Variants in COL9A1 observed in about 807,000 individuals in gnomAD.
The protein encoded by COL9A1 is collagen alpha-1(IX) chain.
Under a neutral mutation model 142.6 loss-of-function variants are expected in COL9A1, and 104 were observed. The observed-to-expected ratio is 0.73, with a 90% CI of 0.62 to 0.86. COL9A1 has a LOEUF of 0.86. Ranked by LOEUF, COL9A1 falls within the 40% of genes least tolerant of loss-of-function variation. COL9A1 has a pLI of 0.00. For missense variants in COL9A1, 1,210 were observed against 1,176.6 expected (o/e 1.03, Z -0.42); for synonymous variants, 466 against 396.0 (o/e 1.18, Z -2.10).
chr6:70,256,893 A>G lies in COL9A1; in HGVS notation c.1450-72T>C, dbSNP rs181779161. 2.8e-5 allele frequency: 40 copies of G among 1,419,872 alleles called. No individual in the cohort carries two copies. The Admixed American group carries it at 6.5e-4, about 23-fold the overall frequency. 88.0% of individuals were successfully genotyped at this position (1,419,872 alleles called of 1,614,324 possible). On this transcript the variant is annotated intron_variant, in intron 20 of 37. Transcript: ENST00000357250. ...TGTTAAAGGAAGCATCCATCTTTCT[A>G]AAGAAATTTAATAGCCAGATGAAAA...
chr6:70,230,907 CT>C (rs1583214622), intron 36 of COL9A1, among the ~76,000 whole-genome samples: 1 of 152,298 alleles, frequency 6.6e-6, no homozygotes, highest in East Asian at 1.9e-4. Flanking sequence ...AAGAAGAGTT[CT>C]GTTACTAGCT....
intron 7 of COL9A1, 97 bp from the exon 8 acceptor site, chr6:70,281,561 G>C: frequency 3.2e-6 from 3 of 928,712 alleles, no homozygotes; most frequent in Middle Eastern, 2.6e-4. Context: ...TGGGGTAAAA[G>C]TTACCTTCCA....
At position 70,269,672 on chromosome 6, in the gene COL9A1, T is replaced by G; in HGVS notation, c.1198-7A>C. 6.4e-7 allele frequency: 1 copy of G among 1,568,944 alleles called. No individual in the cohort carries two copies. The highest frequency in any genetic ancestry group is 8.8e-7 in the Non-Finnish European group (1 of 1,138,950). The stretch of plus-strand genomic sequence containing the variant: ...CATGAAAGCCAATTGTTCCCTAAAG[T>G]AAACAAAATATTAAGGTTCAGAATA... On this transcript the variant is annotated splice_polypyrimidine_tract_variant and splice_region_variant and intron_variant, in intron 15 of 37. Transcript: ENST00000357250.
chr6:70,297,832 G>C (rs1773901306), intron 4 of COL9A1, among the ~76,000 whole-genome samples: 1 of 151,836 alleles, frequency 6.6e-6, no homozygotes, highest in South Asian at 2.1e-4. Flanking sequence ...AAACGATTAT[G>C]CTTAAAATAA....
chr6:70,265,527 C>G (rs890387213), intron 18 of COL9A1, among the ~76,000 whole-genome samples: 7 of 143,448 alleles, frequency 4.9e-5, no homozygotes, highest in African/African-American at 1.8e-4. Context: ...GGCTTCTGTG[C>G]CCCCAGTGCT....
At chr6:70,292,295 C>CTG (rs1773690052) in intron 5 of COL9A1, among the ~76,000 whole-genome samples, 1 of 152,080 alleles carries the variant, frequency 6.6e-6, no homozygotes, top group African/African-American at 2.4e-5. Context: ...ATAAGGGAGT[C>CTG]AGAATTCAGT....
intron 10 of COL9A1, among the ~76,000 whole-genome samples, 154 bp downstream of exon 10, chr6:70,280,658 C>A (rs148568965): frequency 9.9e-5 from 15 of 152,184 alleles, no homozygotes; most frequent in African/African-American, 3.6e-4. Flanking sequence ...GCCAGTTCCA[C>A]GATCAATCAG....
intron 34 of COL9A1, 85 bp downstream of exon 34, chr6:70,234,709 T>A: frequency 1.2e-6 from 2 of 1,606,912 alleles, no homozygotes; most frequent in Non-Finnish European, 1.7e-6. Flanking sequence ...CAAGAGAACT[T>A]GTTGAGAAGC....
rs1317654651 is a variant in COL9A1, at chr6:70,294,355, A to T, written c.508T>A (p.Ser170Thr). 1.2e-6 allele frequency: 2 copies of T among 1,614,126 alleles called. No homozygotes were observed. Among genetic ancestry groups the T allele is most frequent in the Non-Finnish European group, 1.7e-6 (2 of 1,179,984 alleles). The change falls in exon 5 of 38, where the codon TCG becomes ACG. Residue 170 changes from serine to threonine, a missense_variant. Ser to Thr is a moderately conservative substitution (Grantham distance 58). Transcript: ENST00000357250. ...LDGSLQTAAF[S>T]NLSSLFDSQW... is the part of the protein sequence containing the mutation. ...GAATCAAACAAGGAGGACAAATTCG[A>T]AAAGGCTGCTGTTTGGAGACTTCCA...
chr6:70,280,714 T>C, intron 10 of COL9A1, 98 bp downstream of exon 10: 1 of 1,443,408 alleles, frequency 6.9e-7, no homozygotes, highest in Non-Finnish European at 9.5e-7. Context: ...GTTCTCTCTC[T>C]CTCTTTCTCT....
intron 28 of COL9A1, among the ~76,000 whole-genome samples, chr6:70,251,426 A>T (rs1770935469): frequency 6.6e-6 from 1 of 152,164 alleles, no homozygotes; most frequent in South Asian, 2.1e-4. Context: ...GCACCCCTTC[A>T]GTCCCAGCCA....
chr6:70,252,478 C>A (rs9455017), intron 26 of COL9A1, among the ~76,000 whole-genome samples, 163 bp from the exon 27 acceptor site: 1 of 151,984 alleles, frequency 6.6e-6, no homozygotes, highest in South Asian at 2.1e-4. Flanking sequence ...TTAGATACAT[C>A]GAAATCCTTT....
At chr6:70,217,161 G>A (rs1036983623) in intron 37 of COL9A1, 80 bp from the exon 38 acceptor site, 54 of 1,412,862 alleles carry the variant, frequency 3.8e-5, no homozygotes, top group Middle Eastern at 1.8e-4. Context: ...GCTCAGCAGC[G>A]CTCAGATAAG....
intron 10 of COL9A1, chr6:70,275,268 A>G (rs528449558): frequency 1.3e-5 from 2 of 156,038 alleles, no homozygotes; most frequent in African/African-American, 2.4e-5. Flanking sequence ...AGAATTAAAC[A>G]CAAACAATCT....
intron 4 of COL9A1, among the ~76,000 whole-genome samples, chr6:70,294,995 T>C (rs2127605547): frequency 1.3e-5 from 2 of 152,324 alleles, no homozygotes; most frequent in South Asian, 4.1e-4. Flanking sequence ...AACAATTTAA[T>C]TAAAGCAGCT....
chr6:70,264,760 T>C (rs986892192), intron 18 of COL9A1, among the ~76,000 whole-genome samples: 15 of 152,102 alleles, frequency 9.9e-5, no homozygotes, highest in Non-Finnish European at 1.6e-4. Context: ...TTCACTATGA[T>C]TTTTGCATAA....
chr6:70,238,219 G>A (rs1332921647), intron 33 of COL9A1, among the ~76,000 whole-genome samples: 1 of 152,138 alleles, frequency 6.6e-6, no homozygotes, highest in Non-Finnish European at 1.5e-5. Flanking sequence ...AGGAGATTCC[G>A]GAAACAGGAA....
intron 28 of COL9A1, among the ~76,000 whole-genome samples, chr6:70,247,173 T>C (rs962269524): frequency 6.6e-6 from 1 of 152,248 alleles, no homozygotes; most frequent in African/African-American, 2.4e-5. Context: ...AAGTCTTTAG[T>C]TTTCATGTTT....
intron 30 of COL9A1, 24 bp from the exon 31 acceptor site, chr6:70,241,478 T>G (rs1770255773): frequency 6.3e-7 from 1 of 1,593,460 alleles, no homozygotes; most frequent in Non-Finnish European, 8.6e-7. Flanking sequence ...AATATAATAC[T>G]TTTTCAGTAT....
Sources: gnomAD v4.1 joint callset for allele counts (sites outside exome capture counted in the v4.1 genomes callset) on GRCh38, gnomAD v4.1.1 for gene constraint, MANE v1.5 for transcripts, NCBI Gene and HGNC (gene_info 2026-07-23, HGNC 2026-07-21) for gene names.